Variants in CD300E observed in about 807,000 individuals in gnomAD.
CD300E encodes the protein CD300e molecule.
In CD300E, 14 loss-of-function variants were observed where a neutral mutation model predicts 20.9. The observed-to-expected ratio is 0.67, with a 90% CI of 0.44 to 1.05. The LOEUF is 1.05. Ranked by LOEUF, CD300E falls within the 50% of genes least tolerant of loss-of-function variation. The probability of loss-of-function intolerance (pLI) is 0.00; values close to 1 mark genes in which losing one functional copy is unlikely to be tolerated. For synonymous variants in CD300E, 102 were observed against 103.7 expected, an observed-to-expected ratio of 0.98 and a Z score of 0.10; for missense variants, 237 against 253.9, an observed-to-expected ratio of 0.93 and a Z score of 0.45.
rs766058675 is a variant in CD300E, at chr17:74,617,367, T to C, written c.139A>G (p.Lys47Glu). The C allele has an allele frequency of 4.3e-6, 7 of 1,614,046 alleles. No homozygotes were observed. The highest frequency in any genetic ancestry group is 5.9e-6 in the Non-Finnish European group (7 of 1,180,028). Residue 47 changes from lysine (K) to glutamate (E), a missense_variant, in exon 2 of 4, where the codon AAG becomes GAG. Physicochemically the swap from Lys to Glu is moderately conservative, Grantham distance 56. Coordinates refer to ENST00000392619, the MANE Select transcript of CD300E (RefSeq NM_181449.3). ...TCGTACTGTCCTCGGCACCAGTACTTGTTATATCCCTTGTACATGCTCTCA... is the reference window on the plus strand; with the variant it reads ...TCGTACTGTCCTCGGCACCAGTACTCGTTATATCCCTTGTACATGCTCTCA... ...QYESMYKGYN[K>E]YWCRGQYDTS...
At chr17:74,620,559 C>T (rs1184211228) in intron 1 of CD300E, among the ~76,000 whole-genome samples, 2 of 152,040 alleles carry the variant, frequency 1.3e-5, no homozygotes, top group Non-Finnish European at 2.9e-5. Flanking sequence ...AGGAGAATCA[C>T]TTGAACCTGG....
Position 74,612,749 on chromosome 17 carries a change from G to A in CD300E, c.522C>T (p.Phe174=), listed in dbSNP as rs145226937. 4 of 1,613,868 alleles carry A rather than the reference G, an allele frequency of 2.5e-6. No individual in the cohort carries two copies. Among genetic ancestry groups the A allele is most frequent in the South Asian group, 1.1e-5 (1 of 91,092 alleles). The change falls in exon 4 of 4, where the codon TTC becomes TTT. Residue 174 remains phenylalanine, a synonymous_variant. Transcript: ENST00000392619. ...GCAGCTTCAGAAGGACCACGAGCAG[G>A]AAGTGAGGGCTGCTGAGCCGGAACC... is the stretch of plus-strand genomic sequence containing the variant. ...NSGFRLSSPH[F]LLVVLLKLPL... is the part of the protein sequence containing the mutation.
rs1200662752 is a variant in CD300E, at chr17:74,612,920, G to A, written c.498-147C>T. Reference sequence around the variant, plus strand: ...GACCTATGCCAGGGCAGCCCCTTCTGTGGCCCCCATCCCTCCTTCTCCCTC... The same window carrying A: ...GACCTATGCCAGGGCAGCCCCTTCTATGGCCCCCATCCCTCCTTCTCCCTC... On this transcript the variant is annotated intron_variant, in intron 3 of 3. Coordinates refer to ENST00000392619, the MANE Select transcript of CD300E (RefSeq NM_181449.3). The A allele has an allele frequency of 3.2e-5, 36 of 1,109,250 alleles. No individual in the cohort carries two copies. In the Middle Eastern group the frequency reaches 1.1e-3, roughly 33 times the overall value. 68.7% of individuals were successfully genotyped at this position (1,109,250 alleles called of 1,614,324 possible).
chr17:74,617,110 G>A lies in CD300E; in HGVS notation c.388+8C>T. On this transcript the variant is annotated splice_region_variant and intron_variant, in intron 2 of 3. Transcript: ENST00000392619. ...AAACCCTGCTGCCAAAGTGAGGGGA[G>A]CTCTTACCTGGGGAAACATACACCC... is the stretch of plus-strand genomic sequence containing the variant. The A allele has an allele frequency of 6.2e-7, 1 of 1,612,116 alleles. No homozygotes were observed.
chr17:74,613,860 C>A, intron 3 of CD300E, 65 bp downstream of exon 3: 1 of 1,051,054 alleles, frequency 9.5e-7, no homozygotes, highest in South Asian at 1.4e-5. Flanking sequence ...CGGTGCGCCA[C>A]CCCCACCCCC....
chr17:74,613,377 C>G (rs544553552), intron 3 of CD300E, among the ~76,000 whole-genome samples: 1 of 152,368 alleles, frequency 6.6e-6, no homozygotes, highest in East Asian at 1.9e-4. Flanking sequence ...GTTGGGATTG[C>G]AGGCGTGAGC....
In CD300E at chr17:74,617,531, A is replaced by G. The variant is rs908103901; in HGVS notation, c.41-66T>C. The G allele has an allele frequency of 3.6e-6, 5 of 1,376,706 alleles. No individual in the cohort carries two copies. The African/African-American group carries it at 7.2e-5, about 20-fold the overall frequency. 85.3% of individuals were successfully genotyped at this position (1,376,706 alleles called of 1,614,324 possible). On this transcript the variant is annotated intron_variant, in intron 1 of 3. Transcript: ENST00000392619. ...GGCCCCATCAGCAGCCGTCTGTCTG[A>G]AGCTTAAGGGGAAGATTGCCAGGGA...
Position 74,612,224 on chromosome 17 carries a change from G to GCT in CD300E, c.*427_*428dup, listed in dbSNP as rs1216264497. 789 of 94,964 alleles carry GCT rather than the reference G, an allele frequency of 8.3e-3. 3 individuals are homozygous for GCT. The highest frequency in any genetic ancestry group is 0.012 in the African/African-American group (193 of 16,318). The allele number at this position is 94,964 out of a possible 1,614,324, so 5.9% of individuals were successfully genotyped here. ...TTTTCTCTCTCTCTCTCTCTCTCTC[G>GCT]CTCTCTCTCTCTCTCTCTCTCTGTC... On this transcript the variant is annotated 3_prime_UTR_variant, in exon 4 of 4. Transcript: ENST00000392619.
rs991164694 is a variant in CD300E at position 74,610,251 on chromosome 17, G to T, written c.*2402C>A. 1 of 152,382 alleles carries T rather than the reference G, an allele frequency of 6.6e-6. No homozygotes were observed. The highest frequency in any genetic ancestry group is 1.5e-5 in the Non-Finnish European group (1 of 68,156). The allele number at this position is 152,382 out of a possible 1,614,324, so 9.4% of individuals were successfully genotyped here. On this transcript the variant is annotated 3_prime_UTR_variant, in exon 4 of 4. Coordinates refer to ENST00000392619, the MANE Select transcript of CD300E (RefSeq NM_181449.3). Reference sequence around the variant, plus strand: ...CTGTTTGATTCTGCTCCAGCACCTTGATCAATGTCTTCCTCCTACCCTTTG... The same window carrying T: ...CTGTTTGATTCTGCTCCAGCACCTTTATCAATGTCTTCCTCCTACCCTTTG...
At position 74,612,563 on chromosome 17, in the gene CD300E, C is replaced by T. The variant is rs995903430; in HGVS notation, c.*90G>A. The T allele has an allele frequency of 4.6e-5, 70 of 1,511,264 alleles. No homozygotes were observed. Among genetic ancestry groups the T allele is most frequent in the Non-Finnish European group, 6.1e-5 (68 of 1,115,754 alleles). The allele number at this position is 1,511,264 out of a possible 1,614,324, so 93.6% of individuals were successfully genotyped here. ...GAACAATAAATCCCTCCAGAGTCCA[C>T]AGGTCTCTCGCATCCAGTCTGAAAG... On this transcript the variant is annotated 3_prime_UTR_variant, in exon 4 of 4. Transcript: ENST00000392619.
intron 3 of CD300E, among the ~76,000 whole-genome samples, chr17:74,613,647 A>C (rs185374714): frequency 7.9e-4 from 120 of 152,284 alleles, no homozygotes; most frequent in African/African-American, 2.7e-3. Flanking sequence ...GGGGAAGGAG[A>C]CAGGAAGGAG....
rs61015443 is a variant in CD300E at position 74,622,740 on chromosome 17, A to ATTT, written c.40+839_40+841dup. Among the ~76,000 whole-genome samples the ATTT allele has an allele frequency of 2.3e-3, 340 of 149,806 alleles. 1 individual carries two copies. The highest frequency in any genetic ancestry group is 4.8e-3 in the Admixed American group (72 of 15,068). On this transcript the variant is annotated intron_variant, in intron 1 of 3. Transcript: ENST00000392619. ...ATTTAAGGTAGATGTTGAGGATGGCATTTTTTTTTTTCAGACAGGATCTCA... is the reference window on the plus strand; with the variant it reads ...ATTTAAGGTAGATGTTGAGGATGGCATTTTTTTTTTTTTTCAGACAGGATCTCA...
In CD300E at chr17:74,611,182, A is replaced by C. The variant is rs2030767922; in HGVS notation, c.*1471T>G. On this transcript the variant is annotated 3_prime_UTR_variant, in exon 4 of 4. Coordinates refer to ENST00000392619, the MANE Select transcript of CD300E (RefSeq NM_181449.3). ...TAATATAATTAATATGGGCCTTGTT[A>C]GATTGAATTTCTCTTTCAGCATGAG... 6.6e-6 allele frequency: 1 copy of C among 152,178 alleles called. No homozygotes were observed. Among genetic ancestry groups the C allele is most frequent in the Admixed American group, 6.5e-5 (1 of 15,282 alleles). 9.4% of individuals were successfully genotyped at this position (152,178 alleles called of 1,614,324 possible).
At chr17:74,613,070 T>G (rs2030820154) in intron 3 of CD300E, among the ~76,000 whole-genome samples, 1 of 152,196 alleles carries the variant, frequency 6.6e-6, no homozygotes, top group Admixed American at 6.5e-5. Context: ...CAGCCTCCAC[T>G]TTATCAACTG....
intron 2 of CD300E, among the ~76,000 whole-genome samples, chr17:74,616,046 G>A (rs894198192): frequency 6.6e-6 from 1 of 152,012 alleles, no homozygotes; most frequent in African/African-American, 2.4e-5. Flanking sequence ...ATCGCTCCAC[G>A]GCACTCCAGC....
Position 74,617,206 on chromosome 17 carries a change from T to C in CD300E, c.300A>G (p.Gly100=), listed in dbSNP as rs749992413. Residue 100 remains glycine, a synonymous_variant, in exon 2 of 4, where the codon GGA becomes GGG. Transcript: ENST00000392619. ...CTGTCTGAATTTTGCACCAGTAAGA[T>C]CCAGCATCATCTTCATTGAGGTTCT... is the stretch of plus-strand genomic sequence containing the variant. ...TMQNLNEDDA[G]SYWCKIQTVW... 8.1e-6 allele frequency: 13 copies of C among 1,614,060 alleles called. No homozygotes were observed. In the African/African-American group the frequency reaches 1.5e-4, roughly 18 times the overall value.
In CD300E at chr17:74,617,236, G is replaced by C. The variant is rs770873260; in HGVS notation, c.270C>G (p.Thr90=). 2.5e-6 allele frequency: 4 copies of C among 1,614,056 alleles called. No individual in the cohort carries two copies. Among genetic ancestry groups the C allele is most frequent in the Non-Finnish European group, 1.7e-6 (2 of 1,180,038 alleles). Reference sequence around the variant, plus strand: ...CATCATCTTCATTGAGGTTCTGCATGGTCACAGTGAAGGCGAGAGCCTCCG... The same window carrying C: ...CATCATCTTCATTGAGGTTCTGCATCGTCACAGTGAAGGCGAGAGCCTCCG... ...DHPEALAFTV[T]MQNLNEDDAG... The change falls in exon 2 of 4, where the codon ACC becomes ACG. Residue 90 remains threonine (T), a synonymous_variant. Transcript: ENST00000392619.
chr17:74,615,213 G>A (rs1327081508), intron 2 of CD300E, among the ~76,000 whole-genome samples: 3 of 152,222 alleles, frequency 2.0e-5, no homozygotes, highest in Non-Finnish European at 2.9e-5. Context: ...GGCGAATGCC[G>A]GACCATGGGA....
intron 3 of CD300E, among the ~76,000 whole-genome samples, chr17:74,613,442 C>T (rs141370692): frequency 1.3e-5 from 2 of 152,340 alleles, no homozygotes; most frequent in African/African-American, 4.8e-5. Context: ...GTTCCCTCCC[C>T]TCAGGGTCTA....
Sources: allele counts gnomAD v4.1 joint callset (sites outside exome capture counted in the v4.1 genomes callset), GRCh38; gene constraint gnomAD v4.1.1; transcripts MANE v1.5; gene names NCBI Gene and HGNC (gene_info 2026-07-23, HGNC 2026-07-21).